The following PPP4R4 variants were observed in gnomAD, a reference collection of about 807,000 sequenced individuals.
PPP4R4 encodes the protein serine/threonine-protein phosphatase 4 regulatory subunit 4.
In PPP4R4, 70 loss-of-function variants were observed where a neutral mutation model predicts 121.8. The observed-to-expected ratio is 0.57, with a 90% CI of 0.47 to 0.70. The LOEUF (loss-of-function observed/expected upper bound fraction) is 0.70. Ranked by LOEUF, PPP4R4 falls within the 30% of genes least tolerant of loss-of-function variation. The pLI is 0.00. For missense variants in PPP4R4, 875 were observed against 1,033.6 expected (o/e 0.85, Z 2.10); for synonymous variants, 348 against 355.7 (o/e 0.98, Z 0.24).
At position 94,275,451 on chromosome 14, in the gene PPP4R4, C is replaced by T. The variant is rs550716897; in HGVS notation, c.2527C>T (p.Arg843Cys). The stretch of plus-strand genomic sequence containing the variant: ...TAATACTCCCTTACCGAGTACTTCC[C>T]GTGGGACAGGTAACTCAGTTGACCC... ...SPNTPLPSTS[R>C]GTGNSVDPKS... The change falls in exon 24 of 25, where the codon CGT (arginine) becomes TGT (cysteine). Residue 843 changes from arginine (R) to cysteine (C), a missense_variant. Physicochemically the swap from Arg to Cys is radical, Grantham distance 180 (BLOSUM62 -3). Transcript: ENST00000304338. 63 of 1,613,966 alleles carry T rather than the reference C, an allele frequency of 3.9e-5. No homozygotes were observed. Among genetic ancestry groups the T allele is most frequent in the Admixed American group, 5.0e-5 (3 of 60,008 alleles).
intron 2 of PPP4R4, among the ~76,000 whole-genome samples, chr14:94,191,091 A>G (rs1193097533): frequency 6.6e-6 from 1 of 152,204 alleles, no homozygotes; most frequent in East Asian, 1.9e-4. Flanking sequence ...TCCAAGATAA[A>G]CAATACAAAA....
At chr14:94,175,132 C>A (rs1888607704) in intron 1 of PPP4R4, among the ~76,000 whole-genome samples, 1 of 151,310 alleles carries the variant, frequency 6.6e-6, no homozygotes, top group Non-Finnish European at 1.5e-5. Context: ...CCACCTCTCC[C>A]GGAGACACCA....
At chr14:94,263,574 G>A (rs1157961144) in intron 19 of PPP4R4, among the ~76,000 whole-genome samples, 1 of 152,122 alleles carries the variant, frequency 6.6e-6, no homozygotes, top group East Asian at 1.9e-4. Context: ...ATTGCCAGTG[G>A]GAGAAACTGT....
chr14:94,220,872 T>C (rs1419076341), intron 3 of PPP4R4, among the ~76,000 whole-genome samples: 1 of 152,152 alleles, frequency 6.6e-6, no homozygotes, highest in Admixed American at 6.5e-5. Flanking sequence ...TAGGTTTTTG[T>C]AGGAAATGAC....
intron 3 of PPP4R4, among the ~76,000 whole-genome samples, chr14:94,217,955 T>C (rs1891119056): frequency 6.6e-6 from 1 of 152,016 alleles, no homozygotes; most frequent in Non-Finnish European, 1.5e-5. Context: ...GATTGCACCA[T>C]TGCACTCTAG....
At position 94,261,624 on chromosome 14, in the gene PPP4R4, G is replaced by A. The variant is rs546737631; in HGVS notation, c.2127+2255G>A. Reference sequence around the variant, plus strand: ...AGTAAAATTAAGGTGGTACAAGTAGGCATCCTTGTCTTTTTACTGATCTTA... The same window carrying A: ...AGTAAAATTAAGGTGGTACAAGTAGACATCCTTGTCTTTTTACTGATCTTA... On this transcript the variant is annotated intron_variant, in intron 19 of 24. Transcript: ENST00000304338. 1.8e-4 allele frequency among the ~76,000 whole-genome samples: 28 copies of A among 152,030 alleles called. No individual in the cohort carries two copies. In the South Asian group the frequency reaches 5.4e-3, roughly 29 times the overall value.
intron 3 of PPP4R4, among the ~76,000 whole-genome samples, chr14:94,212,032 C>A (rs73342878): frequency 0.026 from 3,904 of 152,194 alleles, 190 homozygotes; most frequent in African/African-American, 0.089. Flanking sequence ...ATATTTTATG[C>A]AAGAAGTTAA....
intron 7 of PPP4R4, among the ~76,000 whole-genome samples, chr14:94,236,443 T>C (rs914248203): frequency 6.6e-6 from 1 of 152,212 alleles, no homozygotes; most frequent in Non-Finnish European, 1.5e-5. Flanking sequence ...CATTTTACTC[T>C]TCTACCTCCT....
In PPP4R4 at chr14:94,265,431, C is replaced by G. The variant is rs751511100; in HGVS notation, c.2242C>G (p.Pro748Ala). 2 of 1,613,184 alleles carry G rather than the reference C, an allele frequency of 1.2e-6. No homozygotes were observed. The highest frequency in any genetic ancestry group is 2.2e-5 in the South Asian group (2 of 91,050). ...TPTQSLPKNIPISVPGPSSVT... is the reference protein window; with the variant it reads ...TPTQSLPKNIAISVPGPSSVT... Reference sequence around the variant, plus strand: ...AACGCAAAGTCTGCCCAAGAACATCCCCATTTCTGTTCCTGGACCCTCTTC... The same window carrying G: ...AACGCAAAGTCTGCCCAAGAACATCGCCATTTCTGTTCCTGGACCCTCTTC... Residue 748 changes from proline to alanine, a missense_variant, in exon 21 of 25, where the codon CCC (proline) becomes GCC (alanine). Transcript: ENST00000304338.
chr14:94,250,277 CGTAA>C lies in PPP4R4; in HGVS notation c.1717+5_1717+8del. On this transcript the variant is annotated splice_donor_variant and splice_donor_region_variant and intron_variant, in intron 15 of 24. Transcript: ENST00000304338. LOFTEE classifies it high-confidence loss of function. ...TGAGGTCATTCAAAAATTAATTGAA[CGTAA>C]GTAATCATTGTCTACTATTTTGAAA... is the stretch of plus-strand genomic sequence containing the variant. 6.3e-7 allele frequency: 1 copy of C among 1,575,460 alleles called. No individual in the cohort carries two copies. Among genetic ancestry groups the C allele is most frequent in the Non-Finnish European group, 8.7e-7 (1 of 1,146,146 alleles).
chr14:94,183,825 T>C (rs1283455824), intron 2 of PPP4R4, among the ~76,000 whole-genome samples: 1 of 151,998 alleles, frequency 6.6e-6, no homozygotes, highest in East Asian at 1.9e-4. Context: ...AAAAAGCCTA[T>C]ACAATTCTGT....
intron 2 of PPP4R4, among the ~76,000 whole-genome samples, chr14:94,185,854 T>C (rs1889245990): frequency 6.6e-6 from 1 of 152,216 alleles, no homozygotes; most frequent in Non-Finnish European, 1.5e-5. Flanking sequence ...TATAGTTTGA[T>C]GAGTTTTGAC....
chr14:94,197,993 T>C (rs73342859), intron 2 of PPP4R4, among the ~76,000 whole-genome samples: 4,702 of 152,290 alleles, frequency 0.031, 199 homozygotes, highest in African/African-American at 0.09. Context: ...AAAGCTGCTA[T>C]AAATATTTAC....
intron 3 of PPP4R4, among the ~76,000 whole-genome samples, chr14:94,225,053 G>A (rs71431627): frequency 0.13 from 18,976 of 151,686 alleles, 1,297 homozygotes; most frequent in Admixed American, 0.21. Context: ...AGAGGGGTAT[G>A]TGTGCACAGA....
intron 2 of PPP4R4, among the ~76,000 whole-genome samples, chr14:94,201,018 A>C (rs1298556497): frequency 2.0e-5 from 3 of 152,054 alleles, no homozygotes; most frequent in Admixed American, 2.0e-4. Flanking sequence ...TGATTTTGGT[A>C]AGTTGTGTCA....
At chr14:94,188,441 A>C (rs576258423) in intron 2 of PPP4R4, among the ~76,000 whole-genome samples, 53 of 152,234 alleles carry the variant, frequency 3.5e-4, no homozygotes, top group Non-Finnish European at 5.6e-4. Flanking sequence ...ATGACCCTAC[A>C]ATCAAAATGC....
chr14:94,210,708 A>G (rs1028549225), intron 3 of PPP4R4, among the ~76,000 whole-genome samples: 1 of 152,170 alleles, frequency 6.6e-6, no homozygotes, highest in African/African-American at 2.4e-5. Flanking sequence ...GAACAAGTAT[A>G]ATAGAGTATT....
chr14:94,219,561 T>G (rs1891270863), intron 3 of PPP4R4, among the ~76,000 whole-genome samples: 2 of 152,160 alleles, frequency 1.3e-5, no homozygotes, highest in Admixed American at 6.5e-5. Flanking sequence ...CCCTGATGTA[T>G]ATATACTCAT....
At chr14:94,198,405 T>C (rs1456554215) in intron 2 of PPP4R4, among the ~76,000 whole-genome samples, 1 of 152,242 alleles carries the variant, frequency 6.6e-6, no homozygotes, top group Non-Finnish European at 1.5e-5. Context: ...TTAAGAATTC[T>C]CTATATATTC....
Sources: gnomAD v4.1 joint callset for allele counts (sites outside exome capture counted in the v4.1 genomes callset) on GRCh38, gnomAD v4.1.1 for gene constraint, MANE v1.5 for transcripts, NCBI Gene and HGNC (gene_info 2026-07-23, HGNC 2026-07-21) for gene names.